Variants in CERS6 observed in about 807,000 individuals in gnomAD.
CERS6 encodes the protein ceramide synthase 6.
Under a neutral mutation model 56.8 loss-of-function variants are expected in CERS6, and 26 were observed. The observed-to-expected ratio is 0.46, with a 90% CI of 0.34 to 0.63. The LOEUF (loss-of-function observed/expected upper bound fraction) is 0.63, where lower values mean the gene tolerates loss of function less well. Ranked by LOEUF, CERS6 falls within the 30% of genes least tolerant of loss-of-function variation. The probability of loss-of-function intolerance (pLI) is 0.01; values close to 1 mark genes in which losing one functional copy is unlikely to be tolerated. For synonymous variants in CERS6, 164 were observed against 173.3 expected (o/e 0.95, Z 0.42); for missense variants, 415 against 467.5 (o/e 0.89, Z 1.04).
At chr2:168,713,856 A>G (rs1232481980) in intron 6 of CERS6, among the ~76,000 whole-genome samples, 1 of 152,136 alleles carries the variant, frequency 6.6e-6, no homozygotes, top group Non-Finnish European at 1.5e-5. Context: ...GAGTATCCCA[A>G]CAGGCGTATT....
At chr2:168,528,445 T>G (rs1695108041) in intron 1 of CERS6, among the ~76,000 whole-genome samples, 1 of 152,216 alleles carries the variant, frequency 6.6e-6, no homozygotes, top group South Asian at 2.1e-4. Context: ...AGGGTTTCCT[T>G]TGTGTCTTTT....
At chr2:168,702,606 T>G (rs564196583) in intron 6 of CERS6, among the ~76,000 whole-genome samples, 1 of 152,288 alleles carries the variant, frequency 6.6e-6, no homozygotes, top group South Asian at 2.1e-4. Flanking sequence ...ATTTAAAAAA[T>G]CACTACTCAG....
At chr2:168,709,563 G>A (rs1376853518) in intron 6 of CERS6, among the ~76,000 whole-genome samples, 2 of 152,154 alleles carry the variant, frequency 1.3e-5, no homozygotes, top group Non-Finnish European at 2.9e-5. Context: ...GCAGGAGGTT[G>A]AGGACACAAG....
At chr2:168,484,075 AC>A (rs1406897739) in intron 1 of CERS6, among the ~76,000 whole-genome samples, 1 of 152,102 alleles carries the variant, frequency 6.6e-6, no homozygotes, top group Non-Finnish European at 1.5e-5. Flanking sequence ...TATTAAAAGC[AC>A]AATCAAGAGG....
intron 3 of CERS6, among the ~76,000 whole-genome samples, chr2:168,614,888 G>T (rs1684278601): frequency 6.6e-6 from 1 of 152,004 alleles, no homozygotes; most frequent in Admixed American, 6.6e-5. Flanking sequence ...TCTCTTCAAA[G>T]CGCCACCTCC....
At chr2:168,675,724 G>T (rs1056728543) in intron 4 of CERS6, among the ~76,000 whole-genome samples, 5 of 151,654 alleles carry the variant, frequency 3.3e-5, no homozygotes, top group South Asian at 2.1e-4. Flanking sequence ...GTCTTGCTCT[G>T]TTGCCAGGCT....
chr2:168,488,133 T>C (rs1694307783), intron 1 of CERS6, among the ~76,000 whole-genome samples: 1 of 151,972 alleles, frequency 6.6e-6, no homozygotes, highest in African/African-American at 2.4e-5. Context: ...ATTTGCTATA[T>C]TTTGCTTTTG....
intron 7 of CERS6, among the ~76,000 whole-genome samples, chr2:168,715,361 T>C (rs1209350915): frequency 6.6e-6 from 1 of 152,216 alleles, no homozygotes; most frequent in African/African-American, 2.4e-5. Context: ...AAACCTTTAC[T>C]GTTCTATACT....
chr2:168,765,628 C>A lies in CERS6; in HGVS notation c.882C>A (p.Ile294=), dbSNP rs533838833. The part of the protein sequence containing the change: ...LNTTLFESWE[I]VGPYPSWWVF... ...CCACATTATTTGAAAGCTGGGAGAT[C>A]GTTGGACCTTACCCTTCCTGGTGGG... The change falls in exon 9 of 10, where the codon ATC becomes ATA. Residue 294 remains isoleucine (I), a synonymous_variant. Transcript: ENST00000305747. 3.1e-6 allele frequency: 5 copies of A among 1,613,920 alleles called. No homozygotes were observed.
chr2:168,556,043 A>G (rs932576045), intron 2 of CERS6, among the ~76,000 whole-genome samples: 11 of 152,056 alleles, frequency 7.2e-5, no homozygotes, highest in African/African-American at 2.4e-4. Context: ...CATGGTTACT[A>G]TAGTCAAGCA....
intron 8 of CERS6, among the ~76,000 whole-genome samples, chr2:168,753,496 GT>G (rs909836729): frequency 2.6e-5 from 4 of 152,198 alleles, no homozygotes; most frequent in African/African-American, 7.2e-5. Flanking sequence ...GTTTATTTGG[GT>G]TCTTTTCCCC....
chr2:168,739,015 A>T (rs1180153476), intron 8 of CERS6, among the ~76,000 whole-genome samples: 1 of 142,622 alleles, frequency 7.0e-6, no homozygotes, highest in Non-Finnish European at 1.5e-5. Context: ...CCTCCCGAGT[A>T]CCTGGGACTA....
At chr2:168,660,795 T>G (rs1181071198) in intron 4 of CERS6, among the ~76,000 whole-genome samples, 1 of 152,198 alleles carries the variant, frequency 6.6e-6, no homozygotes. Flanking sequence ...AAAGGAAAAT[T>G]TGTGTCTCAT....
chr2:168,655,363 C>G (rs1685444219), intron 4 of CERS6, among the ~76,000 whole-genome samples: 1 of 152,340 alleles, frequency 6.6e-6, no homozygotes, highest in South Asian at 2.1e-4. Context: ...TATGACACAG[C>G]AATCCCTCTT....
At chr2:168,515,293 A>G (rs1308845239) in intron 1 of CERS6, among the ~76,000 whole-genome samples, 1 of 152,198 alleles carries the variant, frequency 6.6e-6, no homozygotes, top group Non-Finnish European at 1.5e-5. Context: ...ACATAACTGG[A>G]TTGCTCAAAT....
At position 168,665,952 on chromosome 2, in the gene CERS6, C is replaced by CTGTGTGTGTGTGTGTG. The variant is rs58913968; in HGVS notation, c.466-25058_466-25043dup. 3.6e-3 allele frequency among the ~76,000 whole-genome samples: 511 copies of CTGTGTGTGTGTGTGTG among 143,278 alleles called. 9 individuals are homozygous for CTGTGTGTGTGTGTGTG. The highest frequency in any genetic ancestry group is 0.012 in the African/African-American group (460 of 37,658). 94.0% of individuals were successfully genotyped at this position (143,278 alleles called of 152,430 possible). On this transcript the variant is annotated intron_variant, in intron 4 of 9. Coordinates refer to ENST00000305747, the MANE Select transcript of CERS6 (RefSeq NM_203463.3). ...AGAATTTTTTTAAAAAATTAGTAGA[C>CTGTGTGTGTGTGTGTG]TGTGTGTGTGTGTGTGTGTGTGTGT...
At chr2:168,729,996 T>A (rs1683474873) in intron 8 of CERS6, among the ~76,000 whole-genome samples, 1 of 152,170 alleles carries the variant, frequency 6.6e-6, no homozygotes. Context: ...CAATAAATAT[T>A]TGTTAAATGG....
intron 4 of CERS6, among the ~76,000 whole-genome samples, chr2:168,635,458 A>G (rs4668081): frequency 0.3 from 45,753 of 152,020 alleles, 7,807 homozygotes; most frequent in African/African-American, 0.46. Flanking sequence ...AGCAAGTCCC[A>G]TCTTCCTCTT....
chr2:168,485,027 G>A (rs1574014295), intron 1 of CERS6, among the ~76,000 whole-genome samples: 1 of 152,250 alleles, frequency 6.6e-6, no homozygotes, highest in East Asian at 1.9e-4. Flanking sequence ...CTCATTAGGT[G>A]GTTTTCTATT....
Sources: allele counts gnomAD v4.1 joint callset (sites outside exome capture counted in the v4.1 genomes callset), GRCh38; gene constraint gnomAD v4.1.1; transcripts MANE v1.5; gene names NCBI Gene and HGNC (gene_info 2026-07-23, HGNC 2026-07-21).